Variants in PDE8B observed in about 807,000 individuals in gnomAD.
PDE8B encodes phosphodiesterase 8B.
PDE8B carries 26 observed loss-of-function variants against 101.3 expected under a neutral mutation model. The ratio of observed to expected loss-of-function variants is 0.26; its 90% CI spans 0.19 to 0.36. PDE8B has a LOEUF of 0.36. PDE8B is among the 10% of genes least tolerant of loss of function. The pLI is 1.00. For synonymous variants in PDE8B, 424 were observed against 429.3 expected (o/e 0.99, Z 0.15); for missense variants, 810 against 1,163.1 (o/e 0.70, Z 4.42).
chr5:77,307,788 A>T (rs993920151), intron 1 of PDE8B, among the ~76,000 whole-genome samples: 2 of 152,160 alleles, frequency 1.3e-5, no homozygotes, highest in African/African-American at 4.8e-5. Context: ...GTGGCTAGGA[A>T]GTGTGTCTCT....
At chr5:77,194,787 T>C in the PDE8B span, among the ~76,000 whole-genome samples, 2 of 152,266 alleles carry the variant, frequency 1.3e-5, no homozygotes, top group Admixed American at 6.5e-5. Flanking sequence ...TTTAAATGGC[T>C]GAATAATATT....
intron 1 of PDE8B, among the ~76,000 whole-genome samples, chr5:77,243,865 A>T (rs1756311212): frequency 1.3e-5 from 2 of 152,336 alleles, no homozygotes; most frequent in South Asian, 4.1e-4. Context: ...GAGGAGATAC[A>T]TCAGAGTGAA....
chr5:77,363,627 A>C (rs765723502), intron 10 of PDE8B, among the ~76,000 whole-genome samples: 1 of 151,574 alleles, frequency 6.6e-6, no homozygotes, highest in African/African-American at 2.4e-5. Flanking sequence ...CAGGAGACTC[A>C]CTTGAATCCA....
intron 1 of PDE8B, among the ~76,000 whole-genome samples, chr5:77,230,561 G>A (rs998512232): frequency 1.3e-5 from 2 of 152,104 alleles, no homozygotes; most frequent in African/African-American, 4.8e-5. Flanking sequence ...CAGCCTCCGA[G>A]GTTCAAGCGA....
rs1428983724 is a variant in PDE8B at position 77,425,682 on chromosome 5, T to G, written c.2419-85T>G. ...GAGAAAACTGGATAATGACCCATTT[T>G]CACAGGGTTGTTCTGAGAAACAGGA... On this transcript the variant is annotated intron_variant, in intron 20 of 21. Coordinates refer to ENST00000264917, the MANE Select transcript of PDE8B (RefSeq NM_003719.5). 3 of 1,410,226 alleles carry G rather than the reference T, an allele frequency of 2.1e-6. No homozygotes were observed. The African/African-American group carries it at 4.2e-5, about 20-fold the overall frequency. 87.4% of individuals were successfully genotyped at this position (1,410,226 alleles called of 1,614,324 possible). A position where few individuals can be genotyped will look rare whatever the true frequency, so the allele number is the denominator to read the frequency against.
rs1367959430 is a variant in PDE8B at position 77,219,651 on chromosome 5, A to G, written c.339+8387A>G. ...ATTTATGAAGGCCAGTGATGACCCA[A>G]CAATCCACACCTCAGCCACTAGTGG... On this transcript the variant is annotated intron_variant, in intron 1 of 21. Coordinates refer to ENST00000264917, the MANE Select transcript of PDE8B (RefSeq NM_003719.5). Among the ~76,000 whole-genome samples, 6 of 152,324 alleles carry G rather than the reference A, an allele frequency of 3.9e-5. No individual in the cohort carries two copies. The East Asian group carries it at 9.6e-4, about 24-fold the overall frequency.
chr5:77,196,593 A>G, the PDE8B span, among the ~76,000 whole-genome samples: 2 of 152,268 alleles, frequency 1.3e-5, no homozygotes, highest in African/African-American at 2.4e-5. Context: ...GGTTTGCTCA[A>G]TTGTGTTAAA....
intron 1 of PDE8B, among the ~76,000 whole-genome samples, chr5:77,311,390 A>G (rs1213350338): frequency 6.6e-6 from 1 of 152,188 alleles, no homozygotes; most frequent in Non-Finnish European, 1.5e-5. Context: ...CGTGGTCATC[A>G]TGGTGTGGTG....
intron 1 of PDE8B, among the ~76,000 whole-genome samples, chr5:77,222,408 G>C (rs1751323539): frequency 6.6e-6 from 1 of 152,114 alleles, no homozygotes; most frequent in Non-Finnish European, 1.5e-5. Context: ...TGGATCACGA[G>C]GTCAGGAGTT....
chr5:77,158,586 C>A, the PDE8B span, among the ~76,000 whole-genome samples: 1 of 152,158 alleles, frequency 6.6e-6, no homozygotes, highest in East Asian at 1.9e-4. Flanking sequence ...GATTCTGGAG[C>A]TCTGAGTGCC....
At chr5:77,126,020 C>T in the PDE8B span, among the ~76,000 whole-genome samples, 25 of 152,326 alleles carry the variant, frequency 1.6e-4, no homozygotes, top group South Asian at 5.0e-3. Context: ...GGCTCAGTGG[C>T]TCACGCCTGT....
At chr5:77,120,249 G>T in the PDE8B span, among the ~76,000 whole-genome samples, 1 of 152,232 alleles carries the variant, frequency 6.6e-6, no homozygotes, top group Admixed American at 6.5e-5. Context: ...TCAAAATAGT[G>T]ATCTGTGCAG....
upstream of PDE8B, chr5:77,210,502 GC>G: frequency 2.5e-6 from 1 of 399,696 alleles, no homozygotes; most frequent in Non-Finnish European, 3.4e-6. The surrounding 1 kb of genome is among the most constrained non-coding windows in gnomAD (Gnocchi z 4.9). Context: ...GAAGGTGCAG[GC>G]AGGCGGGCAG....
intron 2 of PDE8B, among the ~76,000 whole-genome samples, chr5:77,315,120 C>G (rs896334790): frequency 3.5e-4 from 53 of 152,184 alleles, no homozygotes; most frequent in African/African-American, 1.2e-3. Flanking sequence ...ATCCGTGGCT[C>G]TTTTATTCAT....
chr5:77,290,591 G>C (rs887312943), intron 1 of PDE8B: 3 of 1,504,952 alleles, frequency 2.0e-6, no homozygotes, highest in Non-Finnish European at 2.8e-6. Context: ...CTTTGGAGAT[G>C]GGGAAAATCT....
chr5:77,372,932 G>A (rs745938496), intron 10 of PDE8B, among the ~76,000 whole-genome samples: 3 of 152,156 alleles, frequency 2.0e-5, no homozygotes, highest in African/African-American at 4.8e-5. Flanking sequence ...AGAGGCTGAG[G>A]CAGGAGAATC....
At chr5:77,156,971 T>G in the PDE8B span, among the ~76,000 whole-genome samples, 1 of 152,122 alleles carries the variant, frequency 6.6e-6, no homozygotes, top group South Asian at 2.1e-4. Flanking sequence ...TTCAAAATCT[T>G]AAAAGCATAT....
At chr5:77,256,710 T>C (rs960370936) in intron 1 of PDE8B, among the ~76,000 whole-genome samples, 1 of 152,198 alleles carries the variant, frequency 6.6e-6, no homozygotes, top group Non-Finnish European at 1.5e-5. Flanking sequence ...ATCACTGGTG[T>C]TTAGAATGAT....
At chr5:77,177,110 A>G in the PDE8B span, among the ~76,000 whole-genome samples, 1 of 151,394 alleles carries the variant, frequency 6.6e-6, no homozygotes, top group Non-Finnish European at 1.5e-5. Context: ...ACCACTCCAC[A>G]GTCTCTTCAA....
Sources: allele counts gnomAD v4.1 joint callset (sites outside exome capture counted in the v4.1 genomes callset), GRCh38; gene constraint gnomAD v4.1.1; non-coding constraint Gnocchi (gnomAD v3.1); transcripts MANE v1.5; gene names NCBI Gene and HGNC (gene_info 2026-07-23, HGNC 2026-07-21).